Variants in PKP4 observed in about 807,000 individuals in gnomAD.
The protein encoded by PKP4 is plakophilin 4.
A neutral mutation model predicts 145.1 loss-of-function variants in PKP4; 90 were observed. The ratio of observed to expected loss-of-function variants is 0.62; its 90% CI spans 0.52 to 0.74. PKP4 has a LOEUF of 0.74. PKP4 is among the 30% of genes least tolerant of loss of function. The probability of loss-of-function intolerance (pLI) is 0.00; values close to 1 mark genes in which losing one functional copy is unlikely to be tolerated. For missense variants in PKP4, 1,340 were observed against 1,482.7 expected (o/e 0.90, Z 1.58); for synonymous variants, 563 against 577.2 (o/e 0.98, Z 0.35).
At chr2:158,470,845 C>T (rs541740853) in intron 1 of PKP4, among the ~76,000 whole-genome samples, 1 of 152,182 alleles carries the variant, frequency 6.6e-6, no homozygotes, top group South Asian at 2.1e-4. Flanking sequence ...AAAGATTGGC[C>T]AGAGTCCTGA....
chr2:158,567,911 G>C (rs781759609), intron 2 of PKP4, among the ~76,000 whole-genome samples: 2 of 152,204 alleles, frequency 1.3e-5, no homozygotes, highest in Non-Finnish European at 2.9e-5. Context: ...TGGGATAAGA[G>C]AAAGGGAGGA....
At chr2:158,650,391 A>G (rs2055248203) in intron 11 of PKP4, among the ~76,000 whole-genome samples, 1 of 152,254 alleles carries the variant, frequency 6.6e-6, no homozygotes, top group Non-Finnish European at 1.5e-5. Flanking sequence ...AAAGAAGAAT[A>G]CATTAAAATG....
chr2:158,557,259 C>T (rs1231157911), intron 2 of PKP4, among the ~76,000 whole-genome samples: 1 of 151,754 alleles, frequency 6.6e-6, no homozygotes, highest in Non-Finnish European at 1.5e-5. Context: ...GAATAATAGC[C>T]AGTAATACTA....
At chr2:158,471,775 C>A (rs1691607629) in intron 1 of PKP4, among the ~76,000 whole-genome samples, 1 of 152,220 alleles carries the variant, frequency 6.6e-6, no homozygotes, top group African/African-American at 2.4e-5. Context: ...GAAAAAAGAA[C>A]TAGTCATTGA....
intron 2 of PKP4, among the ~76,000 whole-genome samples, chr2:158,553,944 T>G (rs547058739): frequency 6.6e-6 from 1 of 152,316 alleles, no homozygotes; most frequent in South Asian, 2.1e-4. Flanking sequence ...TAGTTGATGC[T>G]GTAATGGTTT....
chr2:158,551,315 G>T (rs1035474485), intron 2 of PKP4, among the ~76,000 whole-genome samples: 1 of 152,174 alleles, frequency 6.6e-6, no homozygotes, highest in Non-Finnish European at 1.5e-5. Flanking sequence ...CATTACCATT[G>T]CTTCTCTGAA....
rs2050353052 is a variant in PKP4, at chr2:158,603,018, A to G, written c.246-52A>G. On this transcript the variant is annotated intron_variant, in intron 3 of 21. Coordinates refer to ENST00000389759, the MANE Select transcript of PKP4 (RefSeq NM_003628.6). ...ATATGCAAAACAGGTCCTAAGCTAAATTTTATGACAAAATAAATAAATGTT... is the reference window on the plus strand; with the variant it reads ...ATATGCAAAACAGGTCCTAAGCTAAGTTTTATGACAAAATAAATAAATGTT... 11 of 1,181,206 alleles carry G rather than the reference A, an allele frequency of 9.3e-6. No individual in the cohort carries two copies. The South Asian group carries it at 1.7e-4, about 18-fold the overall frequency. The allele number at this position is 1,181,206 out of a possible 1,614,324, so 73.2% of individuals were successfully genotyped here. A position where few individuals can be genotyped will look rare whatever the true frequency, so the allele number is the denominator to read the frequency against.
chr2:158,462,402 T>C (rs969510474), intron 1 of PKP4, among the ~76,000 whole-genome samples: 1 of 152,182 alleles, frequency 6.6e-6, no homozygotes, highest in African/African-American at 2.4e-5. Flanking sequence ...AAAAAACTTT[T>C]CCAAGCTTGA....
chr2:158,607,966 G>GA (rs1204497027), intron 4 of PKP4, among the ~76,000 whole-genome samples: 1 of 151,946 alleles, frequency 6.6e-6, no homozygotes, highest in African/African-American at 2.4e-5. Flanking sequence ...CAAAAAAATA[G>GA]AAAAAAACAA....
At chr2:158,651,803 C>T (rs2055389549) in intron 11 of PKP4, among the ~76,000 whole-genome samples, 1 of 152,054 alleles carries the variant, frequency 6.6e-6, no homozygotes, top group Non-Finnish European at 1.5e-5. Flanking sequence ...CACTGTCAAA[C>T]CCCAGTGTCC....
At chr2:158,628,847 C>G (rs2053067904) in intron 7 of PKP4, among the ~76,000 whole-genome samples, 3 of 152,146 alleles carry the variant, frequency 2.0e-5, no homozygotes. Flanking sequence ...GAGGACTCAA[C>G]CGATGTCAGA....
chr2:158,460,795 A>G (rs191783531), intron 1 of PKP4, among the ~76,000 whole-genome samples: 1 of 152,346 alleles, frequency 6.6e-6, no homozygotes, highest in East Asian at 1.9e-4. Context: ...CTTCAAGTGT[A>G]CAGGGAGATA....
chr2:158,464,753 C>G (rs1195554846), intron 1 of PKP4, among the ~76,000 whole-genome samples: 3 of 152,176 alleles, frequency 2.0e-5, no homozygotes, highest in African/African-American at 7.2e-5. Flanking sequence ...ATCATGTGTT[C>G]TGACACCTGT....
At chr2:158,509,719 G>A (rs752775943) in intron 1 of PKP4, among the ~76,000 whole-genome samples, 4 of 152,130 alleles carry the variant, frequency 2.6e-5, no homozygotes, top group East Asian at 3.9e-4. Context: ...AGGCTGAGGC[G>A]AGTGGATCAC....
intron 1 of PKP4, among the ~76,000 whole-genome samples, chr2:158,483,374 T>A (rs1198227306): frequency 5.2e-5 from 2 of 38,256 alleles, no homozygotes; most frequent in South Asian, 1.9e-3. Context: ...TGTGTTTTTT[T>A]TTTTAAATCA....
intron 12 of PKP4, chr2:158,658,520 C>T (rs1372204384): frequency 4.3e-6 from 2 of 468,876 alleles, no homozygotes; most frequent in Non-Finnish European, 7.4e-6. Context: ...TTGTAAATGA[C>T]TCTTCTGTGA....
At chr2:158,613,427 C>G (rs1030105866) in intron 4 of PKP4, among the ~76,000 whole-genome samples, 1 of 152,092 alleles carries the variant, frequency 6.6e-6, no homozygotes, top group Non-Finnish European at 1.5e-5. Flanking sequence ...ATAATTCAAG[C>G]AAAGATTGTC....
intron 2 of PKP4, among the ~76,000 whole-genome samples, chr2:158,567,362 G>C (rs2047073044): frequency 6.6e-6 from 1 of 152,162 alleles, no homozygotes; most frequent in South Asian, 2.1e-4. Context: ...TGCATGAAAG[G>C]AAGTGATAGG....
intron 2 of PKP4, among the ~76,000 whole-genome samples, chr2:158,554,583 G>A (rs1364562389): frequency 6.6e-6 from 1 of 151,976 alleles, no homozygotes; most frequent in East Asian, 1.9e-4. Flanking sequence ...CCGCCACCAT[G>A]CCAGGCTAAT....
Sources: gnomAD v4.1 joint callset for allele counts (sites outside exome capture counted in the v4.1 genomes callset) on GRCh38, gnomAD v4.1.1 for gene constraint, MANE v1.5 for transcripts, NCBI Gene and HGNC (gene_info 2026-07-23, HGNC 2026-07-21) for gene names.